The following RANBP2 variants were observed in gnomAD, a reference collection of about 807,000 sequenced individuals.
The protein encoded by RANBP2 is E3 SUMO-protein ligase RanBP2.
In RANBP2, 57 loss-of-function variants were observed where a neutral mutation model predicts 303.6. The ratio of observed to expected loss-of-function variants is 0.19; its 90% confidence interval spans 0.15 to 0.23. The LOEUF (loss-of-function observed/expected upper bound fraction) is 0.23. RANBP2 is among the 10% of genes least tolerant of loss of function. The probability of loss-of-function intolerance (pLI) is 1.00; values close to 1 mark genes in which losing one functional copy is unlikely to be tolerated. For synonymous variants in RANBP2, 1,167 were observed against 1,301.5 expected, an observed-to-expected ratio of 0.90 and a Z score of 2.23; for missense variants, 3,138 against 3,780.8, an observed-to-expected ratio of 0.83 and a Z score of 4.46.
At chr2:109,090,973 T>C in the RANBP2 span, among the ~76,000 whole-genome samples, 1 of 152,180 alleles carries the variant, frequency 6.6e-6, no homozygotes, top group Non-Finnish European at 1.5e-5. Context: ...AGCTGATCGT[T>C]TTTATTTAAA....
the RANBP2 span, chr2:108,798,502 A>G: frequency 1.2e-6 from 2 of 1,613,986 alleles, no homozygotes; most frequent in Non-Finnish European, 1.7e-6. Flanking sequence ...AAAGAGAACA[A>G]CTGCTTTTCA....
the RANBP2 span, among the ~76,000 whole-genome samples, chr2:109,550,514 A>G: frequency 2.6e-5 from 4 of 151,900 alleles, no homozygotes; most frequent in Non-Finnish European, 4.4e-5. Flanking sequence ...GGGTTTCACC[A>G]TATTGACCAG....
At chr2:108,842,162 G>T in the RANBP2 span, among the ~76,000 whole-genome samples, 1 of 151,742 alleles carries the variant, frequency 6.6e-6, no homozygotes, top group South Asian at 2.1e-4. Context: ...TGTGTAGCTA[G>T]GATTACAGAC....
At chr2:109,530,099 C>T in the RANBP2 span, among the ~76,000 whole-genome samples, 22 of 152,302 alleles carry the variant, frequency 1.4e-4, no homozygotes, top group Admixed American at 3.3e-4. Flanking sequence ...GGCCCTCTCC[C>T]GCATAGAAGA....
At chr2:109,587,004 A>C in the RANBP2 span, among the ~76,000 whole-genome samples, 2 of 152,236 alleles carry the variant, frequency 1.3e-5, no homozygotes, top group African/African-American at 4.8e-5. Context: ...ACAGGAAAAA[A>C]ACAGAAAAAT....
chr2:108,815,841 T>C, the RANBP2 span: 1 of 986,892 alleles, frequency 1.0e-6, no homozygotes, highest in Non-Finnish European at 1.5e-6. Context: ...AGTGAATTAC[T>C]TTAGTCAAAT....
the RANBP2 span, among the ~76,000 whole-genome samples, chr2:109,229,889 A>G: frequency 2.0e-5 from 3 of 148,442 alleles, no homozygotes; most frequent in Non-Finnish European, 4.4e-5. Flanking sequence ...CAGTGGCGCA[A>G]TCTTGGCTCA....
At chr2:109,592,389 C>T in the RANBP2 span, among the ~76,000 whole-genome samples, 6 of 152,014 alleles carry the variant, frequency 3.9e-5, no homozygotes, top group Non-Finnish European at 5.9e-5. Context: ...TGCTTGAACC[C>T]GGGAGGCAGA....
Position 108,775,943 on chromosome 2 carries a change from CTTG to C in RANBP2, c.8497+8_8497+10del, listed in dbSNP as rs1573843165. ...ACAGATTCTACAAGCCAAGGTAAATCTTGATATATGTTTATCATGTGTTACATA... is the reference window on the plus strand; with the variant it reads ...ACAGATTCTACAAGCCAAGGTAAATCATATATGTTTATCATGTGTTACATA... On this transcript the variant is annotated splice_region_variant and intron_variant, in intron 24 of 28. Transcript: ENST00000283195. 1.9e-6 allele frequency: 3 copies of C among 1,601,496 alleles called. No homozygotes were observed. Among genetic ancestry groups the C allele is most frequent in the Admixed American group, 3.3e-5 (2 of 59,780 alleles).
chr2:109,207,148 G>A, the RANBP2 span, among the ~76,000 whole-genome samples: 2 of 152,086 alleles, frequency 1.3e-5, no homozygotes, highest in Non-Finnish European at 1.5e-5. Context: ...TGGGGGTGAG[G>A]GTGCAATGAC....
At chr2:108,794,765 T>C in the RANBP2 span, 1 of 1,431,838 alleles carries the variant, frequency 7.0e-7, no homozygotes, top group South Asian at 1.2e-5. Flanking sequence ...ATATTTATGT[T>C]CTAAGAACCA....
At chr2:109,014,365 G>A in the RANBP2 span, among the ~76,000 whole-genome samples, 1 of 152,214 alleles carries the variant, frequency 6.6e-6, no homozygotes, top group Non-Finnish European at 1.5e-5. Flanking sequence ...TTCTCTTGGA[G>A]CAGGACCTCC....
chr2:109,513,678 G>A, the RANBP2 span, among the ~76,000 whole-genome samples: 2 of 152,184 alleles, frequency 1.3e-5, no homozygotes, highest in African/African-American at 2.4e-5. Flanking sequence ...GGACACCTGC[G>A]TAGATGAGGC....
In RANBP2 at chr2:108,766,248, G is replaced by A. The variant is rs776484428; in HGVS notation, c.5709G>A (p.Ser1903=). The change falls in exon 20 of 29, where the codon TCG becomes TCA. Residue 1903 remains serine, a synonymous_variant. Coordinates refer to ENST00000283195, the MANE Select transcript of RANBP2 (RefSeq NM_006267.5). ...VSADGFKFGI[S]EPGNQEKKSE... is the part of the protein sequence containing the mutation. ...CTGATGGATTTAAATTTGGCATTTC[G>A]GAACCAGGAAATCAAGAAAAGAAAA... The A allele has an allele frequency of 1.7e-5, 28 of 1,611,932 alleles. No individual in the cohort carries two copies. The highest frequency in any genetic ancestry group is 6.7e-5 in the Admixed American group (4 of 59,976).
chr2:108,941,101 C>T, the RANBP2 span, among the ~76,000 whole-genome samples: 27 of 152,180 alleles, frequency 1.8e-4, no homozygotes, highest in African/African-American at 5.3e-4. Context: ...TACATGGAAT[C>T]GGGCAGCTGG....
the RANBP2 span, among the ~76,000 whole-genome samples, chr2:109,393,651 AG>A: frequency 6.6e-6 from 1 of 151,970 alleles, no homozygotes; most frequent in Admixed American, 6.6e-5. Flanking sequence ...ATTTCCACCA[AG>A]ATGTGGGTTT....
chr2:108,848,594 A>G, the RANBP2 span, among the ~76,000 whole-genome samples: 2 of 152,236 alleles, frequency 1.3e-5, no homozygotes, highest in Admixed American at 6.5e-5. Context: ...GGCTTAATGT[A>G]TAATACCAGT....
chr2:108,728,602 ATGATG>A (rs2149095559), intron 1 of RANBP2, among the ~76,000 whole-genome samples: 2 of 127,168 alleles, frequency 1.6e-5, no homozygotes, highest in South Asian at 5.8e-4. Context: ...ATTTATGATG[ATGATG>A]ATGATGATGA....
At chr2:109,539,730 A>G in the RANBP2 span, among the ~76,000 whole-genome samples, 1 of 152,198 alleles carries the variant, frequency 6.6e-6, no homozygotes. Flanking sequence ...GGAGTGAGCC[A>G]CCGTGCCCGG....
Sources: gnomAD v4.1 joint callset for allele counts (sites outside exome capture counted in the v4.1 genomes callset) on GRCh38, gnomAD v4.1.1 for gene constraint, MANE v1.5 for transcripts, NCBI Gene and HGNC (gene_info 2026-07-23, HGNC 2026-07-21) for gene names.